Variants in NECTIN4 observed in about 807,000 individuals in gnomAD.
NECTIN4 encodes the protein nectin cell adhesion molecule 4.
In NECTIN4, 19 loss-of-function variants were observed where a neutral mutation model predicts 51.7. That is an observed-to-expected ratio of 0.37 (90% confidence interval 0.26 to 0.54). The LOEUF (loss-of-function observed/expected upper bound fraction) is 0.54. Among genes scored for constraint, NECTIN4 ranks in the 20% least tolerant of loss-of-function variants. The pLI, the probability that NECTIN4 is intolerant of heterozygous loss-of-function variation, is 0.86. For synonymous variants in NECTIN4, 283 were observed against 286.9 expected, an observed-to-expected ratio of 0.99 and a Z score of 0.14; for missense variants, 619 against 662.4, an observed-to-expected ratio of 0.93 and a Z score of 0.72.
rs1357639423 is a variant in NECTIN4, at chr1:161,072,361, A to G, written c.*300T>C. 1 of 498,398 alleles carries G rather than the reference A, an allele frequency of 2.0e-6. No individual in the cohort carries two copies. Among genetic ancestry groups the G allele is most frequent in the African/African-American group, 1.9e-5 (1 of 51,726 alleles). The allele number at this position is 498,398 out of a possible 1,614,324, so 30.9% of individuals were successfully genotyped here. A position where few individuals can be genotyped will look rare whatever the true frequency, so the allele number is the denominator to read the frequency against. ...CACTTGACTCTGATATGACAGCATAATACACACCACGGACACAGTCACCCC... is the reference window on the plus strand; with the variant it reads ...CACTTGACTCTGATATGACAGCATAGTACACACCACGGACACAGTCACCCC... On this transcript the variant is annotated 3_prime_UTR_variant, in exon 9 of 9. Transcript: ENST00000368012.
intron 1 of NECTIN4, among the ~76,000 whole-genome samples, chr1:161,086,024 G>A (rs1017326874): frequency 2.0e-5 from 3 of 152,004 alleles, no homozygotes; most frequent in Non-Finnish European, 2.9e-5. Flanking sequence ...TAAGACCCTA[G>A]GCTTCTCTAC....
Position 161,079,665 on chromosome 1 carries a change from C to T in NECTIN4, c.364G>A (p.Glu122Lys). The change falls in exon 2 of 9, where the codon GAG becomes AAG. Residue 122 changes from glutamate (E) to lysine (K), a missense_variant. Physicochemically the swap from Glu to Lys is moderately conservative, Grantham distance 56. Transcript: ENST00000368012. ...VLLRNAVQAD[E>K]GEYECRVSTF... ...CTGACCCGGCACTCGTACTCGCCCT[C>T]ATCCGCCTGCACTGCGTTGCGCAGG... 6.2e-7 allele frequency: 1 copy of T among 1,606,678 alleles called. No homozygotes were observed. The highest frequency in any genetic ancestry group is 8.5e-7 in the Non-Finnish European group (1 of 1,179,676).
At chr1:161,087,691 G>A (rs1329932085) in intron 1 of NECTIN4, 1 of 152,046 alleles carries the variant, frequency 6.6e-6, no homozygotes, top group Non-Finnish European at 1.5e-5. Flanking sequence ...TGGCTCTTCT[G>A]GGGGTACTGC....
intron 1 of NECTIN4, among the ~76,000 whole-genome samples, chr1:161,080,452 A>G (rs1239739566): frequency 6.6e-6 from 1 of 152,196 alleles, no homozygotes; most frequent in East Asian, 1.9e-4. Flanking sequence ...AGAATCCAAA[A>G]CTGTTGGTGT....
intron 3 of NECTIN4, among the ~76,000 whole-genome samples, chr1:161,076,700 G>C (rs983559291): frequency 6.6e-6 from 1 of 152,286 alleles, no homozygotes; most frequent in South Asian, 2.1e-4. Flanking sequence ...TGGTTTACCT[G>C]TACAATGAGA....
chr1:161,077,430 T>C (rs11265548), intron 3 of NECTIN4, 23 bp downstream of exon 3: 173,235 of 1,613,266 alleles, frequency 0.11, 10,127 homozygotes, highest in Non-Finnish European at 0.11. Flanking sequence ...TGGGCCTCCC[T>C]ACCCAAGCAT....
intron 4 of NECTIN4, 99 bp downstream of exon 4, chr1:161,076,256 G>T: frequency 1.5e-6 from 2 of 1,362,494 alleles, no homozygotes; most frequent in Non-Finnish European, 2.1e-6. Context: ...TTATTTGGGG[G>T]CTCAGAATAT....
At chr1:161,084,037 G>C (rs1240014874) in intron 1 of NECTIN4, among the ~76,000 whole-genome samples, 1 of 152,236 alleles carries the variant, frequency 6.6e-6, no homozygotes, top group African/African-American at 2.4e-5. Flanking sequence ...AGATGTGAAT[G>C]TAGGGGATCG....
chr1:161,082,479 A>ATAGGGATGGAAGGAGG (rs915573383), intron 1 of NECTIN4, among the ~76,000 whole-genome samples: 1 of 152,128 alleles, frequency 6.6e-6, no homozygotes, highest in Non-Finnish European at 1.5e-5. Flanking sequence ...GAGGAAAAAA[A>ATAGGGATGGAAGGAGG]TAGGGATGGA....
chr1:161,072,465 G>T lies in NECTIN4; in HGVS notation c.*196C>A. On this transcript the variant is annotated 3_prime_UTR_variant, in exon 9 of 9. Coordinates refer to ENST00000368012, the MANE Select transcript of NECTIN4 (RefSeq NM_030916.3). ...CACACATGCACACACACAGTGACCTGCATGCATGGTGGGAGAGACTCAATT... is the reference window on the plus strand; with the variant it reads ...CACACATGCACACACACAGTGACCTTCATGCATGGTGGGAGAGACTCAATT... The T allele has an allele frequency of 1.6e-6, 1 of 644,548 alleles. No homozygotes were observed. Among genetic ancestry groups the T allele is most frequent in the Non-Finnish European group, 2.8e-6 (1 of 354,834 alleles). 39.9% of individuals were successfully genotyped at this position (644,548 alleles called of 1,614,324 possible). A position where few individuals can be genotyped will look rare whatever the true frequency, so the allele number is the denominator to read the frequency against.
At chr1:161,082,330 C>T (rs76394572) in intron 1 of NECTIN4, among the ~76,000 whole-genome samples, 210 of 151,502 alleles carry the variant, frequency 1.4e-3, no homozygotes, top group African/African-American at 4.9e-3. Context: ...ACCATCCCCC[C>T]GCCACCAAAA....
intron 1 of NECTIN4, among the ~76,000 whole-genome samples, chr1:161,082,038 A>G (rs528938182): frequency 6.6e-6 from 1 of 151,838 alleles, no homozygotes; most frequent in South Asian, 2.1e-4. Flanking sequence ...GTGTAGAATG[A>G]GGAGGAACAG....
intron 3 of NECTIN4, 139 bp downstream of exon 3, chr1:161,077,314 G>A (rs1184505003): frequency 3.4e-6 from 3 of 883,380 alleles, no homozygotes; most frequent in African/African-American, 3.6e-5. Flanking sequence ...TTCCACATTT[G>A]GACTAGTGCT....
chr1:161,079,975 A>G, intron 1 of NECTIN4, 26 bp from the exon 2 acceptor site: 4 of 1,577,256 alleles, frequency 2.5e-6, no homozygotes, highest in Non-Finnish European at 2.6e-6. Context: ...AGGGACAGCC[A>G]CCATTAGGGG....
Position 161,072,547 on chromosome 1 carries a change from G to T in NECTIN4, c.*114C>A. 1.1e-6 allele frequency: 1 copy of T among 872,394 alleles called. No individual in the cohort carries two copies. Among genetic ancestry groups the T allele is most frequent in the Non-Finnish European group, 1.9e-6 (1 of 520,408 alleles). 54.0% of individuals were successfully genotyped at this position (872,394 alleles called of 1,614,324 possible). On this transcript the variant is annotated 3_prime_UTR_variant, in exon 9 of 9. Coordinates refer to ENST00000368012, the MANE Select transcript of NECTIN4 (RefSeq NM_030916.3). ...GAGGTAAAGGTCAAGCAGTCAGTGG[G>T]ATGGGGAGCATCTTCCGCAAGAAAT... is the stretch of plus-strand genomic sequence containing the variant.
At chr1:161,076,822 A>G (rs910950114) in intron 3 of NECTIN4, among the ~76,000 whole-genome samples, 3 of 152,242 alleles carry the variant, frequency 2.0e-5, no homozygotes, top group Non-Finnish European at 2.9e-5. Flanking sequence ...TGATTTTTCA[A>G]AGGTGTAACA....
intron 4 of NECTIN4, among the ~76,000 whole-genome samples, chr1:161,075,208 T>A (rs1653363818): frequency 6.6e-6 from 1 of 152,202 alleles, no homozygotes; most frequent in Non-Finnish European, 1.5e-5. Context: ...TGCTCACATG[T>A]GAGAACATGC....
chr1:161,086,607 G>A (rs953099456), intron 1 of NECTIN4, among the ~76,000 whole-genome samples: 8 of 152,184 alleles, frequency 5.3e-5, no homozygotes, highest in Non-Finnish European at 8.8e-5. Context: ...GGGGTGTCTC[G>A]TGGATTTGGG....
In NECTIN4 at chr1:161,089,103, G is replaced by T; in HGVS notation, c.79+115C>A. ...GGAGAGACTGGATCCTCAGTTCAGA[G>T]TCAAAGAAAGGAGGATATGTGTGTG... On this transcript the variant is annotated intron_variant, in intron 1 of 8. Coordinates refer to ENST00000368012, the MANE Select transcript of NECTIN4 (RefSeq NM_030916.3). The surrounding 1 kb of genome is among the most constrained non-coding windows in gnomAD (Gnocchi z 4.1). 1 of 987,376 alleles carries T rather than the reference G, an allele frequency of 1.0e-6. No homozygotes were observed. Among genetic ancestry groups the T allele is most frequent in the Non-Finnish European group, 1.6e-6 (1 of 619,736 alleles). 61.2% of individuals were successfully genotyped at this position (987,376 alleles called of 1,614,324 possible). A position where few individuals can be genotyped will look rare whatever the true frequency, so the allele number is the denominator to read the frequency against.
Sources: gnomAD v4.1 joint callset for allele counts (sites outside exome capture counted in the v4.1 genomes callset) on GRCh38, gnomAD v4.1.1 for gene constraint, Gnocchi (gnomAD v3.1) non-coding constraint, MANE v1.5 for transcripts, NCBI Gene and HGNC (gene_info 2026-07-23, HGNC 2026-07-21) for gene names.